OR2G6: variants seen among roughly 807,000 people sequenced by gnomAD.
OR2G6 encodes the protein olfactory receptor family 2 subfamily G member 6, also known as olfactory receptor 2G6.
For synonymous variants in OR2G6, 183 were observed against 155.2 expected (o/e 1.18, Z -1.33); for missense variants, 457 against 391.3 (o/e 1.17, Z -1.42).
Position 248,522,536 on chromosome 1 carries a change from T to C in OR2G6, c.890T>C (p.Val297Ala). The C allele has an allele frequency of 1.9e-6, 3 of 1,614,066 alleles. No individual in the cohort carries two copies. The highest frequency in any genetic ancestry group is 2.5e-6 in the Non-Finnish European group (3 of 1,180,004). Residue 297 changes from valine (V) to alanine (A), a missense_variant, in exon 2 of 2, where the codon GTG becomes GCG. Physicochemically the swap from Val to Ala is moderately conservative, Grantham distance 64. Transcript: ENST00000641804. ...PIIYTLRNKD[V>A]KGALRTLILG... Reference sequence around the variant, plus strand: ...ATCTACACTCTGAGAAACAAAGATGTGAAAGGGGCCTTGAGGACCCTGATA... The same window carrying C: ...ATCTACACTCTGAGAAACAAAGATGCGAAAGGGGCCTTGAGGACCCTGATA...
At position 248,522,264 on chromosome 1, in the gene OR2G6, T is replaced by C. The variant is rs774268687; in HGVS notation, c.618T>C (p.Phe206=). 4.3e-6 allele frequency: 7 copies of C among 1,614,040 alleles called. No individual in the cohort carries two copies. In the East Asian group the frequency reaches 1.6e-4, roughly 36 times the overall value. Residue 206 remains phenylalanine, a synonymous_variant, in exon 2 of 2, where the codon TTT becomes TTC. Coordinates refer to ENST00000641804, the MANE Select transcript of OR2G6 (RefSeq NM_001013355.2). ...EAELFVASVV[F]LIVPVLLILV... is the part of the protein sequence containing the mutation. ...AACTCTTTGTGGCCAGTGTAGTCTT[T>C]CTAATTGTCCCGGTGTTACTCATCT... is the stretch of plus-strand genomic sequence containing the variant.
At chr1:248,521,040 TAA>T (rs56891856) in intron 1 of OR2G6, among the ~76,000 whole-genome samples, 9 of 83,942 alleles carry the variant, frequency 1.1e-4, no homozygotes, top group Admixed American at 5.4e-4. Context: ...AGATTCCATC[TAA>T]AAAAAAAAAA....
In OR2G6 at chr1:248,520,874, AT is replaced by A. The variant is rs36126534; in HGVS notation, c.-36-736del. 2.5e-3 allele frequency among the ~76,000 whole-genome samples: 315 copies of A among 128,056 alleles called. 1 individual carries two copies. The highest frequency in any genetic ancestry group is 0.011 in the African/African-American group (302 of 28,522). The allele number at this position is 128,056 out of a possible 152,430, so 84.0% of individuals were successfully genotyped here. A position where few individuals can be genotyped will look rare whatever the true frequency, so the allele number is the denominator to read the frequency against. ...AAAAAAAATATATATATATATAAAA[AT>A]ATATATATATACACACAAAAATTAG... On this transcript the variant is annotated intron_variant, in intron 1 of 1. Transcript: ENST00000641804.
Position 248,522,808 on chromosome 1 carries a change from G to T in OR2G6, c.*211G>T. The T allele has an allele frequency of 1.9e-6, 1 of 524,630 alleles. No individual in the cohort carries two copies. The highest frequency in any genetic ancestry group is 3.3e-6 in the Non-Finnish European group (1 of 299,466). The allele number at this position is 524,630 out of a possible 1,614,324, so 32.5% of individuals were successfully genotyped here. A position where few individuals can be genotyped will look rare whatever the true frequency, so the allele number is the denominator to read the frequency against. On this transcript the variant is annotated 3_prime_UTR_variant, in exon 2 of 2. Coordinates refer to ENST00000641804, the MANE Select transcript of OR2G6 (RefSeq NM_001013355.2). ...AAGCCACAGGGACTAGGAAGCATTG[G>T]AATTCTAAAGAAGAGAAACACACCA...
At position 248,521,852 on chromosome 1, in the gene OR2G6, T is replaced by G. The variant is rs764370777; in HGVS notation, c.206T>G (p.Val69Gly). The stretch of plus-strand genomic sequence containing the variant: ...TTCTTCCTCAGCAACCTCTCGTGTG[T>G]GGACATCTGCTTTACCACCAGTGTT... ...MYFFLSNLSC[V>G]DICFTTSVAP... The change falls in exon 2 of 2, where the codon GTG becomes GGG. Residue 69 changes from valine (V) to glycine (G), a missense_variant. Coordinates refer to ENST00000641804, the MANE Select transcript of OR2G6 (RefSeq NM_001013355.2). 8 of 1,614,170 alleles carry G rather than the reference T, an allele frequency of 5.0e-6. No individual in the cohort carries two copies. The highest frequency in any genetic ancestry group is 6.8e-6 in the Non-Finnish European group (8 of 1,180,024).
chr1:248,522,056 A>G lies in OR2G6; in HGVS notation c.410A>G (p.His137Arg), dbSNP rs1343912708. Residue 137 changes from histidine to arginine, a missense_variant, in exon 2 of 2, where the codon CAC (histidine) becomes CGC (arginine). By Grantham distance (29) the His-to-Arg change is conservative (BLOSUM62 0). Transcript: ENST00000641804. ...CRPLRYIAIM[H>R]PRFCASLAGG... ...CCACTGCGCTACATAGCCATTATGC[A>G]CCCCAGGTTCTGTGCGTCTCTGGCC... The G allele has an allele frequency of 6.2e-7, 1 of 1,613,898 alleles. No individual in the cohort carries two copies. The highest frequency in any genetic ancestry group is 1.7e-5 in the Admixed American group (1 of 59,978).
rs776857213 is a variant in OR2G6 at position 248,522,906 on chromosome 1, A to G, written c.*309A>G. Reference sequence around the variant, plus strand: ...AGACCCTGTGTTCTATCTGGAAAAAAATGTTTGTCCTTCATCCACCTGCCA... The same window carrying G: ...AGACCCTGTGTTCTATCTGGAAAAAGATGTTTGTCCTTCATCCACCTGCCA... On this transcript the variant is annotated 3_prime_UTR_variant, in exon 2 of 2. Transcript: ENST00000641804. 6.9e-6 allele frequency: 2 copies of G among 288,574 alleles called. No individual in the cohort carries two copies. The highest frequency in any genetic ancestry group is 1.3e-5 in the Non-Finnish European group (2 of 156,222). 17.9% of individuals were successfully genotyped at this position (288,574 alleles called of 1,614,324 possible).
chr1:248,519,417 C>T (rs528448380), intron 1 of OR2G6, among the ~76,000 whole-genome samples: 5 of 149,478 alleles, frequency 3.3e-5, no homozygotes, highest in African/African-American at 1.2e-4. Context: ...ACGTCTATGT[C>T]CTGAATGGTA....
At chr1:248,520,070 T>C (rs955089730) in intron 1 of OR2G6, among the ~76,000 whole-genome samples, 2 of 152,132 alleles carry the variant, frequency 1.3e-5, no homozygotes, top group Non-Finnish European at 2.9e-5. Context: ...GTGGCACATA[T>C]ACACCATGGA....
chr1:248,524,140 T>TGCCTCTCCTAC lies in OR2G6; in HGVS notation c.*1544_*1554dup, dbSNP rs1168765908. 6.6e-6 allele frequency: 1 copy of TGCCTCTCCTAC among 152,204 alleles called. No individual in the cohort carries two copies. Among genetic ancestry groups the TGCCTCTCCTAC allele is most frequent in the South Asian group, 2.1e-4 (1 of 4,820 alleles). The allele number at this position is 152,204 out of a possible 1,614,324, so 9.4% of individuals were successfully genotyped here. ...GAATGTTAAGGATAACGTTTGGACCTGCCTCTCCTACCAAAGCCTGGACTG... is the reference window on the plus strand; with the variant it reads ...GAATGTTAAGGATAACGTTTGGACCTGCCTCTCCTACGCCTCTCCTACCAAAGCCTGGACTG... On this transcript the variant is annotated 3_prime_UTR_variant, in exon 2 of 2. Transcript: ENST00000641804.
rs1270537754 is a variant in OR2G6 at position 248,522,654 on chromosome 1, C to T, written c.*57C>T. On this transcript the variant is annotated 3_prime_UTR_variant, in exon 2 of 2. Transcript: ENST00000641804. Reference sequence around the variant, plus strand: ...CCTCAAGGCAGAGTGAGGGTTCATCCTCCCCAGACATTCCTCTTGTCAATC... The same window carrying T: ...CCTCAAGGCAGAGTGAGGGTTCATCTTCCCCAGACATTCCTCTTGTCAATC... 1 of 1,159,394 alleles carries T rather than the reference C, an allele frequency of 8.6e-7. No individual in the cohort carries two copies. The highest frequency in any genetic ancestry group is 2.4e-5 in the Admixed American group (1 of 41,240). 71.8% of individuals were successfully genotyped at this position (1,159,394 alleles called of 1,614,324 possible).
At chr1:248,520,070 T>G (rs955089730) in intron 1 of OR2G6, among the ~76,000 whole-genome samples, 1 of 152,132 alleles carries the variant, frequency 6.6e-6, no homozygotes, top group Admixed American at 6.5e-5. Context: ...GTGGCACATA[T>G]ACACCATGGA....
In OR2G6 at chr1:248,522,424, C is replaced by T. The variant is rs1368627086; in HGVS notation, c.778C>T (p.Leu260Phe). 3 of 1,614,024 alleles carry T rather than the reference C, an allele frequency of 1.9e-6. No individual in the cohort carries two copies. Among genetic ancestry groups the T allele is most frequent in the African/African-American group, 1.3e-5 (1 of 74,902 alleles). The change falls in exon 2 of 2, where the codon CTT becomes TTT. Residue 260 changes from leucine to phenylalanine, a missense_variant. By Grantham distance (22) the Leu-to-Phe change is conservative (BLOSUM62 0). Coordinates refer to ENST00000641804, the MANE Select transcript of OR2G6 (RefSeq NM_001013355.2). ...IFYGTIIFMY[L>F]QPANRRSKNQ... ...CTATGGGACCATCATATTCATGTAC[C>T]TTCAACCGGCCAATAGGAGATCCAA...
At chr1:248,520,284 G>GA (rs1664255365) in intron 1 of OR2G6, among the ~76,000 whole-genome samples, 1 of 152,100 alleles carries the variant, frequency 6.6e-6, no homozygotes, top group South Asian at 2.1e-4. Flanking sequence ...GTGGGTTGGG[G>GA]GGCTAGGAAG....
In OR2G6 at chr1:248,522,383, T is replaced by A. The variant is rs768411751; in HGVS notation, c.737T>A (p.Val246Asp). 8 of 1,614,064 alleles carry A rather than the reference T, an allele frequency of 5.0e-6. No homozygotes were observed. Among genetic ancestry groups the A allele is most frequent in the Admixed American group, 1.7e-5 (1 of 60,004 alleles). ...TTTGGGACCTGTTCGTCTCACCTGGTTGTGGTCATCATTTTCTATGGGACC... is the reference window on the plus strand; with the variant it reads ...TTTGGGACCTGTTCGTCTCACCTGGATGTGGTCATCATTTTCTATGGGACC... ...KAFGTCSSHLVVVIIFYGTII... is the reference protein window; with the variant it reads ...KAFGTCSSHLDVVIIFYGTII... Residue 246 changes from valine to aspartate, a missense_variant, in exon 2 of 2, where the codon GTT (valine) becomes GAT (aspartate). By Grantham distance (152) the Val-to-Asp change is radical. Coordinates refer to ENST00000641804, the MANE Select transcript of OR2G6 (RefSeq NM_001013355.2).
rs1373274698 is a variant in OR2G6 at position 248,522,191 on chromosome 1, C to T, written c.545C>T (p.Pro182Leu). Residue 182 changes from proline (P) to leucine (L), a missense_variant, in exon 2 of 2, where the codon CCA (proline) becomes CTA (leucine). Pro to Leu is a moderately conservative substitution (Grantham distance 98, BLOSUM62 -3). Transcript: ENST00000641804. ...CTGGATCATATTTTCTGTGAGGTGC[C>T]AGTGCTCATCAAACTGGCCTGTGTG... ...RTLDHIFCEV[P>L]VLIKLACVDT... The T allele has an allele frequency of 1.2e-6, 2 of 1,614,036 alleles. No homozygotes were observed. The highest frequency in any genetic ancestry group is 2.7e-5 in the African/African-American group (2 of 74,912).
At chr1:248,520,128 C>T (rs938776340) in intron 1 of OR2G6, among the ~76,000 whole-genome samples, 1 of 152,130 alleles carries the variant, frequency 6.6e-6, no homozygotes, top group East Asian at 1.9e-4. Flanking sequence ...TTTGCAGGGA[C>T]ATGGATGAAG....
At chr1:248,521,588 A>G in intron 1 of OR2G6, 23 bp from the exon 2 acceptor site, 2 of 1,229,382 alleles carry the variant, frequency 1.6e-6, no homozygotes, top group Non-Finnish European at 2.3e-6. Flanking sequence ...ATTACTTTCT[A>G]TCCCCAAATA....
Position 248,521,350 on chromosome 1 carries a change from A to C in OR2G6, c.-36-261A>C, listed in dbSNP as rs1158219242. ...ATCGGTGTAAAAATGGGCAAAGTACAAGAATAAGCAAAGAGTGAATAAATA... is the reference window on the plus strand; with the variant it reads ...ATCGGTGTAAAAATGGGCAAAGTACCAGAATAAGCAAAGAGTGAATAAATA... On this transcript the variant is annotated intron_variant, in intron 1 of 1. Transcript: ENST00000641804. Among the ~76,000 whole-genome samples, 4 of 152,200 alleles carry C rather than the reference A, an allele frequency of 2.6e-5. No homozygotes were observed. The East Asian group carries it at 7.7e-4, about 29-fold the overall frequency.
Sources: gnomAD v4.1 joint callset for allele counts (sites outside exome capture counted in the v4.1 genomes callset) on GRCh38, gnomAD v4.1.1 for gene constraint, MANE v1.5 for transcripts, NCBI Gene and HGNC (gene_info 2026-07-23, HGNC 2026-07-21) for gene names.